ADGRL3: variants seen among roughly 807,000 people sequenced by gnomAD.
ADGRL3 encodes the protein calcium-independent alpha-latrotoxin receptor 3.
A neutral mutation model predicts 153.5 loss-of-function variants in ADGRL3; 62 were observed. The ratio of observed to expected loss-of-function variants is 0.40; its 90% CI spans 0.33 to 0.50. ADGRL3 has a LOEUF of 0.50. ADGRL3 is among the 20% of genes least tolerant of loss of function. The pLI is 0.47. For missense variants in ADGRL3, 1,641 were observed against 1,859.4 expected (o/e 0.88, Z 2.16); for synonymous variants, 710 against 672.5 (o/e 1.06, Z -0.86).
At chr4:61,847,137 A>G (rs1011623264) in intron 9 of ADGRL3, among the ~76,000 whole-genome samples, 6 of 151,982 alleles carry the variant, frequency 3.9e-5, no homozygotes, top group Admixed American at 3.3e-4. Flanking sequence ...AACATATTCA[A>G]CTATTCATAT....
At chr4:61,858,164 C>G (rs1375631189) in intron 9 of ADGRL3, among the ~76,000 whole-genome samples, 1 of 152,160 alleles carries the variant, frequency 6.6e-6, no homozygotes, top group African/African-American at 2.4e-5. Context: ...ATTAAATGAT[C>G]TAGAGAGAAC....
At chr4:61,660,197 A>G (rs566423823) in intron 5 of ADGRL3, among the ~76,000 whole-genome samples, 1 of 152,244 alleles carries the variant, frequency 6.6e-6, no homozygotes, top group East Asian at 1.9e-4. Context: ...CTTTTTTGAA[A>G]TTATGATACT....
intron 5 of ADGRL3, among the ~76,000 whole-genome samples, chr4:61,599,139 T>TCC (rs1377653024): frequency 6.6e-6 from 1 of 152,166 alleles, no homozygotes; most frequent in African/African-American, 2.4e-5. Context: ...CTCAACAAAG[T>TCC]ATGGACAGCC....
chr4:61,705,366 A>C (rs1035835813), intron 6 of ADGRL3, among the ~76,000 whole-genome samples: 3 of 151,292 alleles, frequency 2.0e-5, no homozygotes, highest in African/African-American at 7.3e-5. Context: ...TAGTGGGTGG[A>C]TCACTTGTGT....
chr4:61,510,960 C>A (rs748217692), intron 3 of ADGRL3, among the ~76,000 whole-genome samples: 1 of 152,068 alleles, frequency 6.6e-6, no homozygotes, highest in Non-Finnish European at 1.5e-5. Context: ...TTGTAGTTCT[C>A]CTCGTAGAGA....
intron 8 of ADGRL3, among the ~76,000 whole-genome samples, chr4:61,782,424 C>G (rs1267429411): frequency 1.1e-4 from 16 of 152,000 alleles, no homozygotes; most frequent in Admixed American, 1.0e-3. Flanking sequence ...AGTTAATTAG[C>G]AATATTGAGC....
At chr4:61,629,536 G>C (rs986321479) in intron 5 of ADGRL3, among the ~76,000 whole-genome samples, 1 of 151,222 alleles carries the variant, frequency 6.6e-6, no homozygotes, top group Non-Finnish European at 1.5e-5. Context: ...GGCCAACATG[G>C]TAAAATCCCC....
At chr4:61,224,938 A>G (rs1747267634) in intron 1 of ADGRL3, among the ~76,000 whole-genome samples, 1 of 152,148 alleles carries the variant, frequency 6.6e-6, no homozygotes, top group African/African-American at 2.4e-5. Flanking sequence ...TTGTCTTCTG[A>G]ATGTAATGCC....
At chr4:61,503,244 G>A in intron 3 of ADGRL3, among the ~76,000 whole-genome samples, 1 of 151,994 alleles carries the variant, frequency 6.6e-6, no homozygotes, top group Admixed American at 6.6e-5. Context: ...CTTGCAAAAG[G>A]TGTTACGTAT....
chr4:61,636,005 TACAA>T (rs944517207), intron 5 of ADGRL3, among the ~76,000 whole-genome samples: 1 of 152,090 alleles, frequency 6.6e-6, no homozygotes. Flanking sequence ...AGACCTTATC[TACAA>T]ACAGAGACAT....
chr4:61,703,513 G>A (rs930688508), intron 6 of ADGRL3, among the ~76,000 whole-genome samples: 1 of 151,952 alleles, frequency 6.6e-6, no homozygotes, highest in Non-Finnish European at 1.5e-5. Context: ...TTAAAAATAT[G>A]TAAGAATGAA....
At chr4:61,927,438 T>C (rs1427973926) in intron 13 of ADGRL3, among the ~76,000 whole-genome samples, 2 of 152,122 alleles carry the variant, frequency 1.3e-5, no homozygotes, top group Non-Finnish European at 2.9e-5. Context: ...TGTTTTACTC[T>C]TAAAGGTCCC....
intron 19 of ADGRL3, among the ~76,000 whole-genome samples, chr4:61,983,888 A>G (rs2099076742): frequency 6.6e-6 from 1 of 152,212 alleles, no homozygotes; most frequent in African/African-American, 2.4e-5. Flanking sequence ...TTAAGACATT[A>G]GTCAAAGGAA....
intron 2 of ADGRL3, among the ~76,000 whole-genome samples, chr4:61,419,699 A>T (rs563738919): frequency 9.8e-5 from 15 of 152,340 alleles, no homozygotes; most frequent in Non-Finnish European, 1.9e-4. Flanking sequence ...TACGCAGTCA[A>T]TTTTTAGCAG....
intron 4 of ADGRL3, among the ~76,000 whole-genome samples, chr4:61,586,192 A>G (rs1289571827): frequency 6.6e-6 from 1 of 152,004 alleles, no homozygotes; most frequent in Admixed American, 6.6e-5. Context: ...CACATTTGAA[A>G]TGTATTGCCC....
In ADGRL3 at chr4:61,839,344, C is replaced by T. The variant is rs546546083; in HGVS notation, c.1480+25455C>T. Among the ~76,000 whole-genome samples, 456 of 152,092 alleles carry T rather than the reference C, an allele frequency of 3.0e-3. 2 individuals are homozygous for T. Among genetic ancestry groups the T allele is most frequent in the Non-Finnish European group, 4.5e-3 (306 of 68,012 alleles). On this transcript the variant is annotated intron_variant, in intron 9 of 26. Transcript: ENST00000683033. ...TAGCTAGTCCCACAGGCATGCAACA[C>T]CATGCCCAGCTAATTTTTTTTTTAA...
intron 6 of ADGRL3, among the ~76,000 whole-genome samples, chr4:61,725,544 A>G (rs1281339517): frequency 2.6e-5 from 4 of 151,586 alleles, no homozygotes; most frequent in Non-Finnish European, 5.9e-5. Context: ...GCAGTGAGCC[A>G]AGATTGCGCC....
At chr4:61,215,912 A>G (rs1742567219) in intron 1 of ADGRL3, among the ~76,000 whole-genome samples, 1 of 151,606 alleles carries the variant, frequency 6.6e-6, no homozygotes, top group South Asian at 2.1e-4. Context: ...TGATGTTATC[A>G]CTCTCTTAAC....
At chr4:61,362,191 C>T (rs1324480956) in intron 1 of ADGRL3, among the ~76,000 whole-genome samples, 10 of 151,004 alleles carry the variant, frequency 6.6e-5, no homozygotes, top group Non-Finnish European at 8.9e-5. Context: ...TTAGTAGAGA[C>T]GGTGTTTCAC....
Sources: allele counts gnomAD v4.1 joint callset (sites outside exome capture counted in the v4.1 genomes callset), GRCh38; gene constraint gnomAD v4.1.1; transcripts MANE v1.5; gene names NCBI Gene and HGNC (gene_info 2026-07-23, HGNC 2026-07-21).